Variants in ACSL3 observed in about 807,000 individuals in gnomAD.
The protein encoded by ACSL3 is fatty acid CoA ligase Acsl3.
ACSL3 carries 34 observed loss-of-function variants against 84.7 expected under a neutral mutation model. The ratio of observed to expected loss-of-function variants is 0.40; its 90% confidence interval spans 0.31 to 0.53. The LOEUF (loss-of-function observed/expected upper bound fraction) is 0.53. Among genes scored for constraint, ACSL3 ranks in the 20% least tolerant of loss-of-function variants. ACSL3 has a pLI of 0.48. For missense variants in ACSL3, 680 were observed against 873.1 expected, an observed-to-expected ratio of 0.78 and a Z score of 2.79; for synonymous variants, 315 against 299.4, an observed-to-expected ratio of 1.05 and a Z score of -0.54.
intron 13 of ACSL3, among the ~76,000 whole-genome samples, chr2:222,929,859 A>G (rs1696976805): frequency 1.3e-5 from 2 of 151,978 alleles, no homozygotes; most frequent in Admixed American, 1.3e-4. Flanking sequence ...AATATTTAAT[A>G]AATTTAGGCT....
intron 16 of ACSL3, among the ~76,000 whole-genome samples, chr2:222,940,834 C>T (rs967504121): frequency 2.6e-5 from 4 of 152,094 alleles, no homozygotes; most frequent in Non-Finnish European, 5.9e-5. Flanking sequence ...TTTCTCAGAA[C>T]ATATCCCTGT....
chr2:222,892,564 G>A (rs557400073), intron 2 of ACSL3, among the ~76,000 whole-genome samples: 7 of 152,130 alleles, frequency 4.6e-5, no homozygotes, highest in South Asian at 2.1e-4. Flanking sequence ...CATGATTTGC[G>A]TCATTCATCT....
At position 222,924,445 on chromosome 2, in the gene ACSL3, T is replaced by C; in HGVS notation, c.1153-11T>C. ...TTATTAACTATGTTAAACTCATTTT[T>C]ATACATTTAGGAAATCATGGATCGG... On this transcript the variant is annotated splice_polypyrimidine_tract_variant and intron_variant, in intron 10 of 16. Transcript: ENST00000357430. The C allele has an allele frequency of 6.3e-7, 1 of 1,588,208 alleles. No individual in the cohort carries two copies. Among genetic ancestry groups the C allele is most frequent in the Non-Finnish European group, 8.5e-7 (1 of 1,169,894 alleles).
chr2:222,871,441 G>T (rs540267822), intron 1 of ACSL3, among the ~76,000 whole-genome samples: 1 of 152,250 alleles, frequency 6.6e-6, no homozygotes, highest in East Asian at 1.9e-4. Flanking sequence ...ATAGAATGAG[G>T]TGAGAAGTCA....
At chr2:222,889,297 G>A (rs1695791610) in intron 2 of ACSL3, among the ~76,000 whole-genome samples, 1 of 152,108 alleles carries the variant, frequency 6.6e-6, no homozygotes, top group Non-Finnish European at 1.5e-5. Context: ...GGAGGGTGGT[G>A]CACAGGAAGA....
intron 5 of ACSL3, chr2:222,917,420 A>T (rs1323195728): frequency 6.6e-6 from 1 of 152,048 alleles, no homozygotes; most frequent in African/African-American, 2.4e-5. Context: ...CAAACATTCC[A>T]TTTTTGTTGT....
chr2:222,917,446 A>G (rs1450175243), intron 5 of ACSL3: 1 of 152,178 alleles, frequency 6.6e-6, no homozygotes, highest in Admixed American at 6.5e-5. Context: ...GTTTGGATTT[A>G]CATTGTTTCT....
At chr2:222,913,645 A>G (rs1401658798) in intron 4 of ACSL3, among the ~76,000 whole-genome samples, 1 of 152,066 alleles carries the variant, frequency 6.6e-6, no homozygotes, top group Non-Finnish European at 1.5e-5. Context: ...ATGATTTTTC[A>G]CAATTGTTAA....
intron 4 of ACSL3, among the ~76,000 whole-genome samples, chr2:222,914,198 AAGT>A (rs1298622994): frequency 2.0e-5 from 3 of 151,516 alleles, no homozygotes; most frequent in Non-Finnish European, 4.4e-5. Context: ...TACCACCTGT[AAGT>A]AGAGAGAAGG....
At chr2:222,876,994 T>C (rs1695466159) in intron 1 of ACSL3, among the ~76,000 whole-genome samples, 1 of 152,092 alleles carries the variant, frequency 6.6e-6, no homozygotes, top group African/African-American at 2.4e-5. Context: ...GAGCATAGTT[T>C]TTCTGAGTTA....
chr2:222,908,628 C>A, intron 3 of ACSL3, 105 bp from the exon 4 acceptor site: 1 of 678,110 alleles, frequency 1.5e-6, no homozygotes, highest in Non-Finnish European at 2.5e-6. Context: ...AGTGTGGTAG[C>A]TGCTGCCTGA....
chr2:222,922,408 C>A (rs533797985), intron 8 of ACSL3, among the ~76,000 whole-genome samples: 1 of 152,344 alleles, frequency 6.6e-6, no homozygotes, highest in East Asian at 1.9e-4. Context: ...TACTTTGCTT[C>A]AGCAACGCTT....
At chr2:222,915,283 T>C (rs1242416258) in intron 4 of ACSL3, among the ~76,000 whole-genome samples, 1 of 149,938 alleles carries the variant, frequency 6.7e-6, no homozygotes, top group Admixed American at 6.6e-5. Context: ...CCATCTTAAA[T>C]GCAGTTGCTT....
intron 1 of ACSL3, among the ~76,000 whole-genome samples, chr2:222,878,726 A>G (rs190194480): frequency 3.3e-5 from 5 of 152,044 alleles, no homozygotes; most frequent in African/African-American, 7.2e-5. Flanking sequence ...ATCCAGCCCT[A>G]TATTTATGCG....
At chr2:222,871,239 T>A (rs1695295167) in intron 1 of ACSL3, among the ~76,000 whole-genome samples, 1 of 138,476 alleles carries the variant, frequency 7.2e-6, no homozygotes, top group Non-Finnish European at 1.6e-5. Flanking sequence ...CCATTTGAGT[T>A]GGGAAAGGTG....
intron 10 of ACSL3, among the ~76,000 whole-genome samples, chr2:222,923,447 G>T (rs563013801): frequency 6.6e-6 from 1 of 152,258 alleles, no homozygotes; most frequent in African/African-American, 2.4e-5. Flanking sequence ...TGAATTCATT[G>T]ACACTTGAAG....
chr2:222,919,363 T>A, intron 7 of ACSL3, 161 bp downstream of exon 7: 1 of 557,936 alleles, frequency 1.8e-6, no homozygotes, highest in Non-Finnish European at 2.8e-6. Context: ...ATCTTGTCTT[T>A]AAAGAAAGTT....
chr2:222,920,839 G>A lies in ACSL3; in HGVS notation c.806-441G>A, dbSNP rs866787486. 7.6e-5 allele frequency: 29 copies of A among 379,740 alleles called. 2 individuals carry two copies. In the Middle Eastern group the frequency reaches 0.011, roughly 145 times the overall value. The allele number at this position is 379,740 out of a possible 1,614,324, so 23.5% of individuals were successfully genotyped here. ...TCACTCTGTTCCAGCCACACTCCTT[G>A]CTGGTCTTTAGATATGCTGAGCACA... On this transcript the variant is annotated intron_variant, in intron 7 of 16. Transcript: ENST00000357430.
At chr2:222,922,047 G>A (rs562392724) in intron 8 of ACSL3, among the ~76,000 whole-genome samples, 86 of 152,270 alleles carry the variant, frequency 5.6e-4, no homozygotes, top group African/African-American at 2.0e-3. Flanking sequence ...CTTGGGGATG[G>A]AGGAATGTCT....
Sources: gnomAD v4.1 joint callset for allele counts (sites outside exome capture counted in the v4.1 genomes callset) on GRCh38, gnomAD v4.1.1 for gene constraint, MANE v1.5 for transcripts, NCBI Gene and HGNC (gene_info 2026-07-23, HGNC 2026-07-21) for gene names.